Variants in PPP2R2B observed in about 807,000 individuals in gnomAD.
PPP2R2B encodes protein phosphatase 2 regulatory subunit Bbeta, also known as serine/threonine-protein phosphatase 2A 55 kDa regulatory subunit B beta isoform.
A neutral mutation model predicts 46.0 loss-of-function variants in PPP2R2B; 5 were observed. That is an observed-to-expected ratio of 0.11 (90% CI 0.06 to 0.23). PPP2R2B has a LOEUF of 0.23. Ranked by LOEUF, PPP2R2B falls within the 10% of genes least tolerant of loss-of-function variation. The pLI is 1.00. For missense variants in PPP2R2B, 367 were observed against 575.0 expected (o/e 0.64, Z 3.70); for synonymous variants, 215 against 206.7 (o/e 1.04, Z -0.34).
chr5:146,708,395 ATGTGTGTGTGTATGTGTGTGTG>A (rs887805229), intron 2 of PPP2R2B, among the ~76,000 whole-genome samples: 1 of 128,196 alleles, frequency 7.8e-6, no homozygotes, highest in African/African-American at 3.1e-5. Context: ...ATATCTATGT[ATGTGTGTGTGTATGTGTGTGTG>A]TGTGTGTGTG....
At chr5:146,855,493 A>G (rs2151386858) in intron 2 of PPP2R2B, among the ~76,000 whole-genome samples, 1 of 152,302 alleles carries the variant, frequency 6.6e-6, no homozygotes, top group African/African-American at 2.4e-5. Flanking sequence ...CAGTATACAT[A>G]CACATACACA....
intron 2 of PPP2R2B, among the ~76,000 whole-genome samples, chr5:146,841,791 G>A (rs1175430542): frequency 6.6e-6 from 1 of 152,106 alleles, no homozygotes; most frequent in Non-Finnish European, 1.5e-5. Context: ...GGGGGTTGGG[G>A]AGCTAGGGGA....
intron 1 of PPP2R2B, among the ~76,000 whole-genome samples, chr5:146,974,921 C>T (rs572940075): frequency 6.6e-6 from 1 of 152,194 alleles, no homozygotes; most frequent in South Asian, 2.1e-4. Context: ...GATCTCCCGA[C>T]CTCGTGATCC....
At chr5:146,724,375 T>TGTTGTGA (rs772658520) in intron 2 of PPP2R2B, among the ~76,000 whole-genome samples, 14 of 152,246 alleles carry the variant, frequency 9.2e-5, no homozygotes, top group Non-Finnish European at 1.3e-4. Flanking sequence ...GAGCTTTTAT[T>TGTTGTGA]GAATTTGTTG....
chr5:146,841,446 A>G (rs1759635056), intron 2 of PPP2R2B, among the ~76,000 whole-genome samples: 3 of 152,162 alleles, frequency 2.0e-5, no homozygotes, highest in South Asian at 2.1e-4. Flanking sequence ...CACTATTTGC[A>G]TTTTCTGATT....
At chr5:146,875,707 A>G (rs1174238587) in intron 2 of PPP2R2B, among the ~76,000 whole-genome samples, 1 of 152,244 alleles carries the variant, frequency 6.6e-6, no homozygotes, top group East Asian at 1.9e-4. Flanking sequence ...ACAGAAAAGC[A>G]AGATCTATGG....
intron 1 of PPP2R2B, among the ~76,000 whole-genome samples, chr5:146,934,583 GAAAAAAA>G (rs3062352): frequency 3.2e-5 from 1 of 31,490 alleles, no homozygotes; most frequent in Non-Finnish European, 6.5e-5. Flanking sequence ...TTTTTCATAA[GAAAAAAA>G]AAAAAAAAAA....
At chr5:146,767,215 T>TGGCGTGAACCCGGGAAG (rs1754539746) in intron 2 of PPP2R2B, among the ~76,000 whole-genome samples, 1 of 152,084 alleles carries the variant, frequency 6.6e-6, no homozygotes, top group African/African-American at 2.4e-5. Context: ...GTGGCTCATA[T>TGGCGTGAACCCGGGAAG]CCTTCAAAAT....
At chr5:146,858,312 T>C (rs2151389959) in intron 2 of PPP2R2B, among the ~76,000 whole-genome samples, 1 of 152,276 alleles carries the variant, frequency 6.6e-6, no homozygotes, top group South Asian at 2.1e-4. Flanking sequence ...GTGCAAATAA[T>C]ACTTATGACC....
rs377534220 is a variant in PPP2R2B, at chr5:146,955,476, C to T, written c.79+100189G>A. 6.1e-4 allele frequency among the ~76,000 whole-genome samples: 93 copies of T among 152,230 alleles called. 1 individual carries two copies. The highest frequency in any genetic ancestry group is 1.9e-3 in the African/African-American group (80 of 41,538). Reference sequence around the variant, plus strand: ...GTTCTGTAATGAAAACTATAAATTACGTCCCCAGATAAATTGGAAGCACCT... The same window carrying T: ...GTTCTGTAATGAAAACTATAAATTATGTCCCCAGATAAATTGGAAGCACCT... On this transcript the variant is annotated intron_variant, in intron 1 of 8. Coordinates refer to the PPP2R2B transcript ENST00000336640.
chr5:146,691,734 C>A (rs765561931), intron 4 of PPP2R2B, among the ~76,000 whole-genome samples: 4 of 152,278 alleles, frequency 2.6e-5, no homozygotes, highest in Middle Eastern at 6.8e-3. Context: ...TTTCTGACCC[C>A]CCTGTCCATC....
intron 2 of PPP2R2B, among the ~76,000 whole-genome samples, chr5:146,773,493 T>G (rs1264278971): frequency 5.9e-5 from 9 of 152,182 alleles, no homozygotes; most frequent in Admixed American, 5.2e-4. Context: ...TTTTAGTATT[T>G]GGTTGAAACA....
intron 1 of PPP2R2B, among the ~76,000 whole-genome samples, chr5:147,029,478 C>T (rs1426610534): frequency 6.6e-6 from 1 of 151,988 alleles, no homozygotes; most frequent in African/African-American, 2.4e-5. Flanking sequence ...TATTATATTC[C>T]ATTGATTTGT....
At chr5:146,934,998 CATTT>C (rs1023144293) in intron 1 of PPP2R2B, among the ~76,000 whole-genome samples, 3 of 152,126 alleles carry the variant, frequency 2.0e-5, no homozygotes, top group African/African-American at 7.2e-5. Flanking sequence ...TTAATTTATG[CATTT>C]ATTTATTTTC....
intron 1 of PPP2R2B, among the ~76,000 whole-genome samples, chr5:146,990,729 CTA>C (rs1753661644): frequency 6.6e-6 from 1 of 151,874 alleles, no homozygotes; most frequent in Admixed American, 6.6e-5. Context: ...TAATATCAAA[CTA>C]AAAAACTTCT....
intron 7 of PPP2R2B, among the ~76,000 whole-genome samples, chr5:146,616,613 G>A (rs767817392): frequency 8.5e-5 from 13 of 152,254 alleles, no homozygotes; most frequent in Non-Finnish European, 1.8e-4. Context: ...ATGGCAGATA[G>A]GCATACAAAA....
At position 146,650,578 on chromosome 5, in the gene PPP2R2B, T is replaced by C. The variant is rs1775886332; in HGVS notation, c.594A>G (p.Leu198=). The C allele has an allele frequency of 4.3e-6, 7 of 1,613,592 alleles. No homozygotes were observed. Among genetic ancestry groups the C allele is most frequent in the South Asian group, 2.2e-5 (2 of 90,972 alleles). The change falls in exon 6 of 10, where the codon CTA becomes CTG. Residue 198 remains leucine (L), a synonymous_variant. Coordinates refer to ENST00000394411, the MANE Select transcript of PPP2R2B (RefSeq NM_181675.4). The part of the protein sequence containing the change: ...YMSADDLRIN[L]WNFEITNQSF... ...TTTGATTGGTTATTTCAAAGTTCCA[T>C]AGGTTAATCCTCAGGTCATCAGCGG...
intron 1 of PPP2R2B, among the ~76,000 whole-genome samples, chr5:147,003,446 T>C (rs1246516422): frequency 6.6e-6 from 1 of 152,190 alleles, no homozygotes; most frequent in East Asian, 1.9e-4. Context: ...CAGATGATCC[T>C]GATAGGTATA....
intron 2 of PPP2R2B, among the ~76,000 whole-genome samples, chr5:146,856,232 C>G (rs1228475396): frequency 6.6e-6 from 1 of 152,152 alleles, no homozygotes; most frequent in Non-Finnish European, 1.5e-5. Context: ...ATTTTATAAC[C>G]AGTTATATCA....
Sources: gnomAD v4.1 joint callset for allele counts (sites outside exome capture counted in the v4.1 genomes callset) on GRCh38, gnomAD v4.1.1 for gene constraint, MANE v1.5 for transcripts, NCBI Gene and HGNC (gene_info 2026-07-23, HGNC 2026-07-21) for gene names.